ANTXR1: variants seen among roughly 807,000 people sequenced by gnomAD.
ANTXR1 encodes the protein ANTXR cell adhesion molecule 1.
Under a neutral mutation model 78.1 loss-of-function variants are expected in ANTXR1, and 19 were observed. The ratio of observed to expected loss-of-function variants is 0.24; its 90% CI spans 0.17 to 0.36. The LOEUF (loss-of-function observed/expected upper bound fraction) is 0.36. Among genes scored for constraint, ANTXR1 ranks in the 10% least tolerant of loss-of-function variants. The pLI, the probability that ANTXR1 is intolerant of heterozygous loss-of-function variation, is 1.00. For synonymous variants in ANTXR1, 273 were observed against 260.5 expected, an observed-to-expected ratio of 1.05 and a Z score of -0.46; for missense variants, 518 against 718.6, an observed-to-expected ratio of 0.72 and a Z score of 3.19.
At chr2:69,158,012 G>T (rs1673574500) in intron 13 of ANTXR1, among the ~76,000 whole-genome samples, 1 of 152,094 alleles carries the variant, frequency 6.6e-6, no homozygotes, top group Non-Finnish European at 1.5e-5. Flanking sequence ...CCCCTCCTGT[G>T]CAGGGTCTCC....
At chr2:69,181,274 A>C (rs1674268936) in intron 14 of ANTXR1, among the ~76,000 whole-genome samples, 1 of 152,174 alleles carries the variant, frequency 6.6e-6, no homozygotes, top group Non-Finnish European at 1.5e-5. Context: ...CAACAGAACT[A>C]GCTGGCAAGT....
chr2:69,205,955 C>T (rs941434455), intron 17 of ANTXR1, among the ~76,000 whole-genome samples: 4 of 152,318 alleles, frequency 2.6e-5, no homozygotes, highest in African/African-American at 9.6e-5. Flanking sequence ...CTCTCCAAGG[C>T]TTTACCAGTC....
chr2:69,166,452 C>G (rs1023358397), intron 13 of ANTXR1, among the ~76,000 whole-genome samples: 2 of 152,150 alleles, frequency 1.3e-5, no homozygotes, highest in South Asian at 2.1e-4. Context: ...ACCAGCCCAT[C>G]TCTTAGTGCA....
In ANTXR1 at chr2:69,158,847, T is replaced by C. The variant is rs113028270; in HGVS notation, c.1047+6583T>C. On this transcript the variant is annotated intron_variant, in intron 13 of 17. Transcript: ENST00000303714. ...AACTTATGACATGTTCAGCTTACAA[T>C]GGGTTTAATCTGGACATAGTCCCAT... Among the ~76,000 whole-genome samples the C allele has an allele frequency of 2.1e-3, 319 of 152,360 alleles. 2 individuals carry two copies. The highest frequency in any genetic ancestry group is 7.2e-3 in the African/African-American group (298 of 41,584).
chr2:69,032,634 C>T lies in ANTXR1; in HGVS notation c.153-7410C>T, dbSNP rs529631858. ...CTGTGCATTTCAATTATGGGAAATA[C>T]CTTTTGGGTTACTAACCCATTGTCT... is the stretch of plus-strand genomic sequence containing the variant. On this transcript the variant is annotated intron_variant, in intron 1 of 17. Transcript: ENST00000303714. 7.2e-5 allele frequency among the ~76,000 whole-genome samples: 11 copies of T among 152,008 alleles called. No homozygotes were observed. The South Asian group carries it at 2.3e-3, about 32-fold the overall frequency.
At chr2:69,163,365 T>C (rs1673736400) in intron 13 of ANTXR1, among the ~76,000 whole-genome samples, 3 of 151,972 alleles carry the variant, frequency 2.0e-5, no homozygotes, top group South Asian at 2.1e-4. Flanking sequence ...ACCATGAAAG[T>C]ACTATTCTGC....
At chr2:69,021,896 T>G (rs1046052121) in intron 1 of ANTXR1, among the ~76,000 whole-genome samples, 2 of 152,180 alleles carry the variant, frequency 1.3e-5, no homozygotes, top group African/African-American at 4.8e-5. Context: ...CTGTCAGACG[T>G]GATGTTTCAA....
intron 12 of ANTXR1, chr2:69,146,535 G>A (rs1469667199): frequency 1.1e-5 from 4 of 358,736 alleles, no homozygotes; most frequent in Non-Finnish European, 1.6e-5. Context: ...ACCTGGTAAG[G>A]GCAGGTGGCA....
At chr2:69,164,444 C>G (rs754173856) in intron 13 of ANTXR1, among the ~76,000 whole-genome samples, 2 of 152,208 alleles carry the variant, frequency 1.3e-5, no homozygotes, top group Non-Finnish European at 2.9e-5. Flanking sequence ...TTATCCCTCC[C>G]TTTTCAGGAA....
chr2:69,224,864 TGAAAA>T (rs1467459357), intron 17 of ANTXR1, among the ~76,000 whole-genome samples: 1 of 152,228 alleles, frequency 6.6e-6, no homozygotes, highest in Non-Finnish European at 1.5e-5. Context: ...GACTAACATA[TGAAAA>T]GAAATCTTCT....
At chr2:69,178,921 G>A (rs1674202865) in intron 14 of ANTXR1, among the ~76,000 whole-genome samples, 1 of 152,146 alleles carries the variant, frequency 6.6e-6, no homozygotes, top group African/African-American at 2.4e-5. Flanking sequence ...GTGGAATAAA[G>A]CGGCTTTATT....
chr2:69,188,477 A>G (rs1356134636), intron 16 of ANTXR1, among the ~76,000 whole-genome samples: 1 of 152,182 alleles, frequency 6.6e-6, no homozygotes, highest in African/African-American at 2.4e-5. Flanking sequence ...CCAAAGCTAG[A>G]GTTTACATAG....
At chr2:69,127,853 G>T (rs1419491164) in intron 12 of ANTXR1, among the ~76,000 whole-genome samples, 2 of 152,258 alleles carry the variant, frequency 1.3e-5, no homozygotes, top group East Asian at 3.9e-4. Flanking sequence ...AGAAGACAGA[G>T]GGAGAAGAAG....
chr2:69,116,792 T>C (rs1672157363), intron 10 of ANTXR1, among the ~76,000 whole-genome samples: 1 of 152,230 alleles, frequency 6.6e-6, no homozygotes, highest in African/African-American at 2.4e-5. Flanking sequence ...AAATAAATAT[T>C]TATAACAAGA....
chr2:69,186,969 GAAC>G (rs1204822479), intron 16 of ANTXR1, among the ~76,000 whole-genome samples: 1 of 152,184 alleles, frequency 6.6e-6, no homozygotes, highest in Non-Finnish European at 1.5e-5. Context: ...TAAGCAAGGA[GAAC>G]AACAGCTCTA....
intron 14 of ANTXR1, among the ~76,000 whole-genome samples, chr2:69,171,395 C>T (rs1673980673): frequency 6.6e-6 from 1 of 152,202 alleles, no homozygotes; most frequent in Non-Finnish European, 1.5e-5. Context: ...ACATTAAAAC[C>T]TTTCCTTAAT....
At chr2:69,225,164 G>A (rs1303902415) in intron 17 of ANTXR1, among the ~76,000 whole-genome samples, 4 of 151,964 alleles carry the variant, frequency 2.6e-5, no homozygotes, top group Admixed American at 6.6e-5. Flanking sequence ...TCACAGTCCC[G>A]AGCACCCTTT....
intron 3 of ANTXR1, among the ~76,000 whole-genome samples, chr2:69,063,148 T>G (rs1429439196): frequency 6.6e-6 from 1 of 151,634 alleles, no homozygotes; most frequent in Non-Finnish European, 1.5e-5. Context: ...ATTTGTGTAA[T>G]TGGAATACCA....
rs113160392 is a variant in ANTXR1 at position 69,224,724 on chromosome 2, G to C, written c.1435-20501G>C. ...CCAAACATGAAAATCTGTGGCTCCT[G>C]GCAGCTTGGAAAATGTCATTTTCCC... On this transcript the variant is annotated intron_variant, in intron 17 of 17. Coordinates refer to ENST00000303714, the MANE Select transcript of ANTXR1 (RefSeq NM_032208.3). Among the ~76,000 whole-genome samples, 361 of 152,230 alleles carry C rather than the reference G, an allele frequency of 2.4e-3. 2 individuals are homozygous for C. Among genetic ancestry groups the C allele is most frequent in the African/African-American group, 8.1e-3 (336 of 41,536 alleles).
Sources: gnomAD v4.1 joint callset for allele counts (sites outside exome capture counted in the v4.1 genomes callset) on GRCh38, gnomAD v4.1.1 for gene constraint, MANE v1.5 for transcripts, NCBI Gene and HGNC (gene_info 2026-07-23, HGNC 2026-07-21) for gene names.